Variants in ARNT2 observed in about 807,000 individuals in gnomAD.
ARNT2 encodes aryl hydrocarbon receptor nuclear translocator 2.
ARNT2 carries 36 observed loss-of-function variants against 91.7 expected under a neutral mutation model. The ratio of observed to expected loss-of-function variants is 0.39; its 90% CI spans 0.30 to 0.52. The LOEUF (loss-of-function observed/expected upper bound fraction) is 0.52. ARNT2 is among the 20% of genes least tolerant of loss of function. The pLI, the probability that ARNT2 is intolerant of heterozygous loss-of-function variation, is 0.72. For synonymous variants in ARNT2, 365 were observed against 347.1 expected, an observed-to-expected ratio of 1.05 and a Z score of -0.57; for missense variants, 775 against 939.3, an observed-to-expected ratio of 0.83 and a Z score of 2.29.
rs116082688 is a variant in ARNT2 at position 80,440,206 on chromosome 15, G to A, written c.32-10674G>A. On this transcript the variant is annotated intron_variant, in intron 1 of 18. Transcript: ENST00000303329. ...CACACACTTTCTTCTGATGGTCTGCGGCTTCTAGGTTTGACTCAAGCATGA... is the reference window on the plus strand; with the variant it reads ...CACACACTTTCTTCTGATGGTCTGCAGCTTCTAGGTTTGACTCAAGCATGA... 5.5e-3 allele frequency among the ~76,000 whole-genome samples: 839 copies of A among 152,290 alleles called. 6 individuals carry two copies. Among genetic ancestry groups the A allele is most frequent in the African/African-American group, 0.019 (798 of 41,562 alleles).
intron 8 of ARNT2, among the ~76,000 whole-genome samples, chr15:80,548,462 C>T (rs1566998404): frequency 6.6e-6 from 1 of 151,786 alleles, no homozygotes; most frequent in Non-Finnish European, 1.5e-5. Flanking sequence ...AAATTAGAGG[C>T]AAAAGAATGC....
chr15:80,591,341 C>T lies in ARNT2; in HGVS notation c.1919-227C>T, dbSNP rs1893276617. 6.6e-6 allele frequency among the ~76,000 whole-genome samples: 1 copy of T among 152,226 alleles called. No homozygotes were observed. Among genetic ancestry groups the T allele is most frequent in the Non-Finnish European group, 1.5e-5 (1 of 68,038 alleles). On this transcript the variant is annotated intron_variant, in intron 17 of 18. Coordinates refer to ENST00000303329, the MANE Select transcript of ARNT2 (RefSeq NM_014862.4). This position sits in a 1 kb window ranked among gnomAD's most constrained non-coding sequence, Gnocchi z 5.1. ...GTGACCTCAGGAAGAGCCATCCTCT[C>T]TGGCCAAGTACCTGCACCATTGGGC...
Position 80,435,041 on chromosome 15 carries a change from C to T in ARNT2, c.32-15839C>T, listed in dbSNP as rs370964799. Among the ~76,000 whole-genome samples the T allele has an allele frequency of 1.1e-4, 17 of 152,194 alleles. No individual in the cohort carries two copies. In the South Asian group the frequency reaches 3.3e-3, roughly 30 times the overall value. Reference sequence around the variant, plus strand: ...ACTGGGATGTCTGGGGTCACTCTCCCCTCCTACCGGTTGTCGCCTGTACCA... The same window carrying T: ...ACTGGGATGTCTGGGGTCACTCTCCTCTCCTACCGGTTGTCGCCTGTACCA... On this transcript the variant is annotated intron_variant, in intron 1 of 18. Transcript: ENST00000303329.
chr15:80,521,562 C>T (rs1042156463), intron 8 of ARNT2, among the ~76,000 whole-genome samples: 9 of 152,218 alleles, frequency 5.9e-5, no homozygotes, highest in African/African-American at 2.2e-4. Flanking sequence ...ATAATTGTTA[C>T]AAATCAAGCT....
chr15:80,581,388 C>G lies in ARNT2; in HGVS notation c.1902C>G (p.Asn634Lys). ...GGAATGCCTACTCCAGTCTTGCCAACAGGACTCCAGGGTTCGGTAGGTGGG... is the reference window on the plus strand; with the variant it reads ...GGAATGCCTACTCCAGTCTTGCCAAGAGGACTCCAGGGTTCGGTAGGTGGG... ...PSGNAYSSLA[N>K]RTPGFAESGQ... is the part of the protein sequence containing the mutation. The change falls in exon 17 of 19, where the codon AAC becomes AAG. Residue 634 changes from asparagine to lysine, a missense_variant. Asn to Lys is a moderately conservative substitution (Grantham distance 94). Coordinates refer to ENST00000303329, the MANE Select transcript of ARNT2 (RefSeq NM_014862.4). The G allele has an allele frequency of 1.9e-6, 3 of 1,614,176 alleles. No individual in the cohort carries two copies. Among genetic ancestry groups the G allele is most frequent in the Non-Finnish European group, 2.5e-6 (3 of 1,180,024 alleles).
At chr15:80,538,491 A>G (rs1295959323) in intron 8 of ARNT2, among the ~76,000 whole-genome samples, 4 of 152,212 alleles carry the variant, frequency 2.6e-5, no homozygotes, top group African/African-American at 9.6e-5. Flanking sequence ...ACCTGTCCCA[A>G]CTAGCTTCTG....
chr15:80,586,580 TC>T (rs1394437190), intron 17 of ARNT2, among the ~76,000 whole-genome samples: 1 of 152,114 alleles, frequency 6.6e-6, no homozygotes, highest in Non-Finnish European at 1.5e-5. Flanking sequence ...AATTTGTTAT[TC>T]CAGGCTGGGT....
intron 8 of ARNT2, among the ~76,000 whole-genome samples, chr15:80,523,962 T>C (rs754452782): frequency 3.3e-5 from 5 of 152,190 alleles, no homozygotes; most frequent in Non-Finnish European, 7.4e-5. Flanking sequence ...GAGACATGAT[T>C]TCTGTCTTCA....
chr15:80,434,398 G>A (rs4238518), intron 1 of ARNT2: 107,876 of 152,140 alleles, frequency 0.71, 39,629 homozygotes, highest in East Asian at 0.86. Flanking sequence ...TAACGGAATT[G>A]CCTTTGCTGC....
chr15:80,440,662 A>G (rs554184951), intron 1 of ARNT2, among the ~76,000 whole-genome samples: 1 of 152,300 alleles, frequency 6.6e-6, no homozygotes, highest in East Asian at 1.9e-4. Context: ...CCCTAATGCC[A>G]AAACCTGCCT....
intron 8 of ARNT2, among the ~76,000 whole-genome samples, chr15:80,524,599 G>T (rs533976032): frequency 6.6e-6 from 1 of 152,074 alleles, no homozygotes; most frequent in Admixed American, 6.5e-5. Flanking sequence ...AGTGCTGGCC[G>T]GGCGCAGTGG....
chr15:80,584,693 G>A (rs559605385), intron 17 of ARNT2, among the ~76,000 whole-genome samples: 2 of 152,374 alleles, frequency 1.3e-5, no homozygotes, highest in African/African-American at 4.8e-5. Context: ...ACATCTGAGT[G>A]GCTTCCCAGT....
At chr15:80,548,633 G>C (rs1898029675) in intron 8 of ARNT2, among the ~76,000 whole-genome samples, 1 of 152,000 alleles carries the variant, frequency 6.6e-6, no homozygotes, top group Non-Finnish European at 1.5e-5. Context: ...TATAATGGTA[G>C]AGAAAGCCAC....
At chr15:80,526,005 G>T (rs1897634479) in intron 8 of ARNT2, among the ~76,000 whole-genome samples, 1 of 152,170 alleles carries the variant, frequency 6.6e-6, no homozygotes, top group African/African-American at 2.4e-5. Flanking sequence ...GTGAACAAGG[G>T]TTATTTGACA....
chr15:80,438,846 C>T (rs550544393), intron 1 of ARNT2, among the ~76,000 whole-genome samples: 1 of 152,180 alleles, frequency 6.6e-6, no homozygotes, highest in Non-Finnish European at 1.5e-5. Context: ...CACGCCACCA[C>T]GCCTGGCTAA....
At chr15:80,516,710 T>C (rs541617382) in intron 8 of ARNT2, among the ~76,000 whole-genome samples, 146 of 151,582 alleles carry the variant, frequency 9.6e-4, no homozygotes, top group Middle Eastern at 3.4e-3. Flanking sequence ...TTCTATTCAT[T>C]GCACTCATTC....
chr15:80,525,893 GT>G (rs1423692920), intron 8 of ARNT2, among the ~76,000 whole-genome samples: 4 of 152,184 alleles, frequency 2.6e-5, no homozygotes, highest in Admixed American at 2.6e-4. Flanking sequence ...CAATAACTTG[GT>G]TAGGAAGTAT....
chr15:80,460,608 A>G (rs979485551), intron 3 of ARNT2, among the ~76,000 whole-genome samples: 2 of 152,218 alleles, frequency 1.3e-5, no homozygotes, highest in African/African-American at 4.8e-5. Context: ...TATGCAGAAC[A>G]TGGCTCTGCC....
At chr15:80,463,850 G>T (rs1253293643) in intron 3 of ARNT2, among the ~76,000 whole-genome samples, 4 of 152,172 alleles carry the variant, frequency 2.6e-5, no homozygotes, top group Admixed American at 2.0e-4. Flanking sequence ...GATTATAGGT[G>T]TGAGCCACTG....
Sources: allele counts gnomAD v4.1 joint callset (sites outside exome capture counted in the v4.1 genomes callset), GRCh38; gene constraint gnomAD v4.1.1; non-coding constraint Gnocchi (gnomAD v3.1); transcripts MANE v1.5; gene names NCBI Gene and HGNC (gene_info 2026-07-23, HGNC 2026-07-21).